Variants in PCCA observed in about 807,000 individuals in gnomAD.
PCCA encodes the protein propionyl-CoA carboxylase alpha chain, mitochondrial.
A neutral mutation model predicts 101.3 loss-of-function variants in PCCA; 74 were observed. The observed-to-expected ratio is 0.73, with a 90% CI of 0.61 to 0.89. The LOEUF is 0.89. PCCA is among the 40% of genes least tolerant of loss of function. The probability of loss-of-function intolerance (pLI) is 0.00; values close to 1 mark genes in which losing one functional copy is unlikely to be tolerated. For missense variants in PCCA, 891 were observed against 907.0 expected (o/e 0.98, Z 0.23); for synonymous variants, 294 against 313.6 (o/e 0.94, Z 0.66).
chr13:100,504,456 G>A (rs1029161570), intron 21 of PCCA, among the ~76,000 whole-genome samples: 2 of 152,240 alleles, frequency 1.3e-5, no homozygotes, highest in African/African-American at 2.4e-5. Flanking sequence ...GTACGCGGGC[G>A]TGAGAGCGAT....
At chr13:100,344,229 AAT>A (rs1191541790) in intron 18 of PCCA, among the ~76,000 whole-genome samples, 3 of 152,226 alleles carry the variant, frequency 2.0e-5, no homozygotes, top group Non-Finnish European at 1.5e-5. Context: ...TGTAAAAATA[AAT>A]TGTATTCGAA....
chr13:100,220,566 C>T (rs918339101), intron 7 of PCCA, among the ~76,000 whole-genome samples: 1 of 152,054 alleles, frequency 6.6e-6, no homozygotes, highest in African/African-American at 2.4e-5. Flanking sequence ...CCACCGCGCC[C>T]CGTCATTCAC....
chr13:100,140,030 G>A (rs917071965), intron 4 of PCCA, among the ~76,000 whole-genome samples: 1 of 151,838 alleles, frequency 6.6e-6, no homozygotes, highest in Non-Finnish European at 1.5e-5. Context: ...AAATTCTTTG[G>A]TATACTTATT....
chr13:100,196,263 T>C (rs34111533), intron 6 of PCCA, among the ~76,000 whole-genome samples: 12,336 of 152,188 alleles, frequency 0.081, 669 homozygotes, highest in Middle Eastern at 0.2. Flanking sequence ...ATAAAAGAAA[T>C]TGAACAATTT....
At chr13:100,488,184 C>G (rs2084549052) in intron 21 of PCCA, among the ~76,000 whole-genome samples, 1 of 152,194 alleles carries the variant, frequency 6.6e-6, no homozygotes, top group Non-Finnish European at 1.5e-5. Flanking sequence ...ACCTCTGCCC[C>G]CCAGGTTCAA....
chr13:100,224,043 G>A (rs1339565936), intron 7 of PCCA, among the ~76,000 whole-genome samples: 3 of 152,248 alleles, frequency 2.0e-5, no homozygotes, highest in Non-Finnish European at 1.5e-5. Context: ...CCCGCGCCGT[G>A]CGCCCGCACT....
chr13:100,529,475 G>A (rs959035032), intron 23 of PCCA, among the ~76,000 whole-genome samples: 1 of 152,054 alleles, frequency 6.6e-6, no homozygotes, highest in Non-Finnish European at 1.5e-5. Flanking sequence ...CACAAATTTC[G>A]GAAAGCAAAA....
rs368406190 is a variant in PCCA at position 100,218,073 on chromosome 13, TA to T, written c.600+8625del. ...CTGGGCAACAGAGTAAGACTCTGTC[TA>T]AAAAAAAAAAAAAATCCATTCATTA... On this transcript the variant is annotated intron_variant, in intron 7 of 23. Coordinates refer to ENST00000376285, the MANE Select transcript of PCCA (RefSeq NM_000282.4). Among the ~76,000 whole-genome samples, 628 of 137,406 alleles carry T rather than the reference TA, an allele frequency of 4.6e-3. 1 individual carries two copies. Among genetic ancestry groups the T allele is most frequent in the Middle Eastern group, 0.011 (3 of 262 alleles). The allele number at this position is 137,406 out of a possible 152,430, so 90.1% of individuals were successfully genotyped here. A position where few individuals can be genotyped will look rare whatever the true frequency, so the allele number is the denominator to read the frequency against.
intron 19 of PCCA, among the ~76,000 whole-genome samples, chr13:100,384,933 G>C (rs930562536): frequency 6.6e-6 from 1 of 151,984 alleles, no homozygotes. Context: ...CATGACAAAT[G>C]ATAGAAAATT....
chr13:100,503,108 C>G (rs936309862), intron 21 of PCCA, among the ~76,000 whole-genome samples: 11 of 152,188 alleles, frequency 7.2e-5, no homozygotes, highest in African/African-American at 1.9e-4. Flanking sequence ...TGGAGTTGTC[C>G]TGGGCAGAGG....
intron 19 of PCCA, among the ~76,000 whole-genome samples, chr13:100,380,380 A>C (rs892518975): frequency 5.3e-5 from 8 of 152,234 alleles, no homozygotes; most frequent in African/African-American, 7.2e-5. Flanking sequence ...CCAAACAAAC[A>C]AACCCACAAA....
At chr13:100,388,322 G>C (rs994133664) in intron 19 of PCCA, among the ~76,000 whole-genome samples, 1 of 151,818 alleles carries the variant, frequency 6.6e-6, no homozygotes, top group African/African-American at 2.4e-5. Flanking sequence ...AAATTAGCCA[G>C]GCATGGTGGC....
chr13:100,352,941 G>A (rs1165919516), intron 18 of PCCA, among the ~76,000 whole-genome samples: 1 of 152,052 alleles, frequency 6.6e-6, no homozygotes, highest in African/African-American at 2.4e-5. Context: ...GACCTCAAAT[G>A]CCTGGACTCA....
At chr13:100,285,411 G>C (rs1018415669) in intron 12 of PCCA, among the ~76,000 whole-genome samples, 2 of 152,148 alleles carry the variant, frequency 1.3e-5, no homozygotes, top group African/African-American at 4.8e-5. Flanking sequence ...ACTCAGACTC[G>C]TGGGACAACC....
intron 6 of PCCA, among the ~76,000 whole-genome samples, chr13:100,171,833 C>A (rs1361414850): frequency 2.6e-5 from 4 of 151,956 alleles, no homozygotes; most frequent in African/African-American, 9.7e-5. Flanking sequence ...GAGATGGAGA[C>A]CATCCTGGCT....
intron 12 of PCCA, among the ~76,000 whole-genome samples, chr13:100,281,320 A>G (rs909064427): frequency 1.3e-5 from 2 of 152,222 alleles, no homozygotes; most frequent in East Asian, 1.9e-4. Context: ...TTTGCTGTCA[A>G]AAGTCAAACT....
rs2058607638 is a variant in PCCA, at chr13:100,202,730, ATTAT to A, written c.469-6596_469-6593del. ...ATTTTCAATATTTCTCATCTTCTGT[ATTAT>A]TTATTCATTTTTTATATTTAAATTA... On this transcript the variant is annotated intron_variant, in intron 6 of 23. Coordinates refer to ENST00000376285, the MANE Select transcript of PCCA (RefSeq NM_000282.4). 6.0e-5 allele frequency among the ~76,000 whole-genome samples: 9 copies of A among 150,358 alleles called. No individual in the cohort carries two copies. In the South Asian group the frequency reaches 1.7e-3, roughly 28 times the overall value.
At chr13:100,221,746 A>T (rs865961334) in intron 7 of PCCA, among the ~76,000 whole-genome samples, 165 of 121,580 alleles carry the variant, frequency 1.4e-3, no homozygotes, top group African/African-American at 3.6e-3. Context: ...TCCCTGGGAA[A>T]TTTTTTTTTT....
chr13:100,314,458 C>T (rs2067174018), intron 16 of PCCA, among the ~76,000 whole-genome samples: 1 of 152,130 alleles, frequency 6.6e-6, no homozygotes. Flanking sequence ...AGTCCCTCTC[C>T]CCTTTGGAGG....
Sources: gnomAD v4.1 joint callset for allele counts (sites outside exome capture counted in the v4.1 genomes callset) on GRCh38, gnomAD v4.1.1 for gene constraint, MANE v1.5 for transcripts, NCBI Gene and HGNC (gene_info 2026-07-23, HGNC 2026-07-21) for gene names.